The following ANKDD1B variants were observed in gnomAD, a reference collection of about 807,000 sequenced individuals.
ANKDD1B encodes the protein ankyrin repeat and death domain containing 1B.
In ANKDD1B, 57 loss-of-function variants were observed where a neutral mutation model predicts 59.7. That is an observed-to-expected ratio of 0.95 (90% CI 0.77 to 1.19). The LOEUF (loss-of-function observed/expected upper bound fraction) is 1.19. Among genes scored for constraint, ANKDD1B ranks in the 50% most tolerant of loss-of-function variants. The pLI is 0.00. For synonymous variants in ANKDD1B, 216 were observed against 239.5 expected, an observed-to-expected ratio of 0.90 and a Z score of 0.91; for missense variants, 602 against 641.9, an observed-to-expected ratio of 0.94 and a Z score of 0.67.
intron 13 of ANKDD1B, among the ~76,000 whole-genome samples, chr5:75,669,985 C>T (rs1451086908): frequency 1.3e-5 from 2 of 152,162 alleles, no homozygotes; most frequent in Non-Finnish European, 2.9e-5. Flanking sequence ...AATACAGGAA[C>T]ATCTGCCATT....
chr5:75,637,998 T>G (rs1302835027), intron 7 of ANKDD1B, among the ~76,000 whole-genome samples: 1 of 152,214 alleles, frequency 6.6e-6, no homozygotes, highest in Non-Finnish European at 1.5e-5. Flanking sequence ...TTGACTGAGC[T>G]AGCACTCATG....
chr5:75,636,239 G>T (rs1774297625), intron 7 of ANKDD1B, among the ~76,000 whole-genome samples: 1 of 152,236 alleles, frequency 6.6e-6, no homozygotes, highest in African/African-American at 2.4e-5. Flanking sequence ...CACAGAGAAA[G>T]ATGTTTTTCA....
At chr5:75,660,353 C>T (rs1387061655) in intron 10 of ANKDD1B, among the ~76,000 whole-genome samples, 1 of 152,204 alleles carries the variant, frequency 6.6e-6, no homozygotes, top group Non-Finnish European at 1.5e-5. Context: ...TAGTATTTGC[C>T]TTTTTGTGAC....
chr5:75,621,613 C>T (rs577885779), intron 3 of ANKDD1B, among the ~76,000 whole-genome samples: 1 of 152,306 alleles, frequency 6.6e-6, no homozygotes, highest in East Asian at 1.9e-4. Flanking sequence ...CCCCAAATCT[C>T]TAACATACCA....
chr5:75,617,995 G>C (rs1241206438), intron 2 of ANKDD1B, among the ~76,000 whole-genome samples: 1 of 151,880 alleles, frequency 6.6e-6, no homozygotes, highest in East Asian at 1.9e-4. Context: ...GTATGTCTGT[G>C]TATAATGTGT....
chr5:75,663,458 T>C lies in ANKDD1B; in HGVS notation c.1160T>C (p.Ile387Thr). 2 of 1,536,430 alleles carry C rather than the reference T, an allele frequency of 1.3e-6. No homozygotes were observed. Among genetic ancestry groups the C allele is most frequent in the Non-Finnish European group, 8.7e-7 (1 of 1,146,934 alleles). Residue 387 changes from isoleucine (I) to threonine (T), a missense_variant, in exon 11 of 14, where the codon ATT becomes ACT. By Grantham distance (89) the Ile-to-Thr change is moderately conservative. Transcript: ENST00000601380. ...CATAGCCTTGTCGTGGGCATGCTCA[T>C]TAAAGCAGAGAGATACTACGCCTGG... ...SNHSLVVGML[I>T]KAERYYAWRE... is the part of the protein sequence containing the mutation.
At chr5:75,669,652 T>C in intron 13 of ANKDD1B, among the ~76,000 whole-genome samples, 1 of 152,076 alleles carries the variant, frequency 6.6e-6, no homozygotes, top group African/African-American at 2.4e-5. Context: ...TTTGTTTATG[T>C]GTATGTGTGG....
intron 9 of ANKDD1B, among the ~76,000 whole-genome samples, chr5:75,658,518 A>G (rs1171692445): frequency 1.3e-5 from 2 of 152,230 alleles, no homozygotes; most frequent in Non-Finnish European, 2.9e-5. Flanking sequence ...CTCCAGAAGG[A>G]AATTTGAAGT....
intron 13 of ANKDD1B, 26 bp downstream of exon 13, chr5:75,669,409 A>G: frequency 3.2e-6 from 4 of 1,231,774 alleles, no homozygotes; most frequent in Non-Finnish European, 4.0e-6. Context: ...AACAACAGAA[A>G]TTCTTTCTCC....
chr5:75,626,030 C>A, intron 5 of ANKDD1B, 75 bp downstream of exon 5: 2 of 1,116,180 alleles, frequency 1.8e-6, no homozygotes, highest in Non-Finnish European at 2.6e-6. Flanking sequence ...TCTGGTACAG[C>A]TGTGAAAGCA....
In ANKDD1B at chr5:75,616,812, A is replaced by C; in HGVS notation, c.202A>C (p.Asn68His). ...GCTTTGCTTTCTTTCAGTACTCCCA[A>C]ATGAGAGAAGCTTTCAGAATGCTGC... ...AVAGHELLLP[N>H]ERSFQNAAKS... Residue 68 changes from asparagine to histidine, a missense_variant, in exon 2 of 14, where the codon AAT becomes CAT. By Grantham distance (68) the Asn-to-His change is moderately conservative. Around this residue, in one of 3 missense-constraint regions of ANKDD1B, gnomAD observed 317 missense variants for 304.6 expected, o/e 1.04. Coordinates refer to ENST00000601380, the MANE Select transcript of ANKDD1B (RefSeq NM_001276713.2). 6.6e-7 allele frequency: 1 copy of C among 1,514,184 alleles called. No homozygotes were observed. The highest frequency in any genetic ancestry group is 2.0e-5 in the Admixed American group (1 of 49,938). 93.8% of individuals were successfully genotyped at this position (1,514,184 alleles called of 1,614,324 possible). A position where few individuals can be genotyped will look rare whatever the true frequency, so the allele number is the denominator to read the frequency against.
At chr5:75,662,523 A>G (rs1442887324) in intron 10 of ANKDD1B, among the ~76,000 whole-genome samples, 1 of 152,100 alleles carries the variant, frequency 6.6e-6, no homozygotes, top group Non-Finnish European at 1.5e-5. Flanking sequence ...ATTAATTTTA[A>G]TTGTTTTCTG....
Position 75,664,135 on chromosome 5 carries a change from T to C in ANKDD1B, c.1191+646T>C, listed in dbSNP as rs150500389. The stretch of plus-strand genomic sequence containing the variant: ...ATTTATAGTGATGTGTTGTTTCCAT[T>C]CTAGGCTGCGTGGCTACCCCTGGCC... On this transcript the variant is annotated intron_variant, in intron 11 of 13. Coordinates refer to ENST00000601380, the MANE Select transcript of ANKDD1B (RefSeq NM_001276713.2). Among the ~76,000 whole-genome samples the C allele has an allele frequency of 1.3e-4, 20 of 152,358 alleles. No homozygotes were observed. In the East Asian group the frequency reaches 3.9e-3, roughly 29 times the overall value.
At chr5:75,655,950 C>G in intron 8 of ANKDD1B, 79 bp from the exon 9 acceptor site, 1 of 667,378 alleles carries the variant, frequency 1.5e-6, no homozygotes, top group Non-Finnish European at 2.6e-6. Context: ...CAGGAAATAG[C>G]TGCTGAAATG....
At chr5:75,636,125 A>T (rs1214921636) in intron 7 of ANKDD1B, among the ~76,000 whole-genome samples, 1 of 152,224 alleles carries the variant, frequency 6.6e-6, no homozygotes, top group Non-Finnish European at 1.5e-5. Context: ...CAGATGAAGT[A>T]TGTATTCTTA....
Position 75,625,707 on chromosome 5 carries a change from C to G in ANKDD1B, c.457C>G (p.Leu153Val). 2 of 1,536,384 alleles carry G rather than the reference C, an allele frequency of 1.3e-6. No individual in the cohort carries two copies. Among genetic ancestry groups the G allele is most frequent in the Non-Finnish European group, 8.7e-7 (1 of 1,146,958 alleles). Residue 153 changes from leucine (L) to valine (V), a missense_variant, in exon 4 of 14, where the codon CTG becomes GTG. Transcript: ENST00000601380. The part of the protein sequence containing the change: ...WSGSLEVMLM[L>V]VKAGADQRAK... ...TGGGAGCCTTGAGGTCATGCTCATG[C>G]TGGTTAAAGCTGGAGCAGACCAGAG...
At chr5:75,625,000 C>G (rs2112963953) in intron 3 of ANKDD1B, among the ~76,000 whole-genome samples, 1 of 152,182 alleles carries the variant, frequency 6.6e-6, no homozygotes, top group Admixed American at 6.5e-5. Flanking sequence ...TTTAGCATTC[C>G]TATGTTGATA....
chr5:75,627,602 A>C (rs1774027550), intron 5 of ANKDD1B, among the ~76,000 whole-genome samples: 1 of 152,224 alleles, frequency 6.6e-6, no homozygotes, highest in African/African-American at 2.4e-5. Context: ...ATTTAGTATC[A>C]GAATAAGGAA....
Position 75,620,313 on chromosome 5 carries a change from A to C in ANKDD1B, c.298-2A>C, listed in dbSNP as rs1228467854. On this transcript the variant is annotated splice_acceptor_variant, in intron 2 of 13. Transcript: ENST00000601380. LOFTEE classifies it high-confidence loss of function. ...CTAAAAACATAAATTATGCTTCCTCAGATGAACCGCACAGCCCTGCATTTT... is the reference window on the plus strand; with the variant it reads ...CTAAAAACATAAATTATGCTTCCTCCGATGAACCGCACAGCCCTGCATTTT... The C allele has an allele frequency of 6.7e-7, 1 of 1,489,286 alleles. No individual in the cohort carries two copies. Among genetic ancestry groups the C allele is most frequent in the Non-Finnish European group, 9.0e-7 (1 of 1,110,414 alleles). 92.3% of individuals were successfully genotyped at this position (1,489,286 alleles called of 1,614,324 possible).
Sources: gnomAD v4.1 joint callset for allele counts (sites outside exome capture counted in the v4.1 genomes callset) on GRCh38, gnomAD v4.1.1 for gene constraint, gnomAD v4.1.1 regional missense constraint, MANE v1.5 for transcripts, NCBI Gene and HGNC (gene_info 2026-07-23, HGNC 2026-07-21) for gene names.